ZIC4: variants seen among roughly 807,000 people sequenced by gnomAD.
ZIC4 encodes the protein Zic family zinc finger 4, also known as zinc finger protein ZIC 4.
In ZIC4, 15 loss-of-function variants were observed where a neutral mutation model predicts 28.8. The observed-to-expected ratio is 0.52, with a 90% CI of 0.35 to 0.80. ZIC4 has a LOEUF of 0.80. ZIC4 is among the 30% of genes least tolerant of loss of function. The pLI is 0.01. For synonymous variants in ZIC4, 220 were observed against 198.1 expected (o/e 1.11, Z -0.93); for missense variants, 512 against 467.1 (o/e 1.10, Z -0.89).
chr3:147,391,160 T>A lies in ZIC4; in HGVS notation c.775A>T (p.Thr259Ser), dbSNP rs2086909842. ...TTGCACGTGTATGGCTTGTCGCTAG[T>A]GTGCACGTGCGAATGCTTCTTACGG... ...SDRKKHSHVH[T>S]SDKPYTCKVR... is the part of the protein sequence containing the mutation. Residue 259 changes from threonine (T) to serine (S), a missense_variant, in exon 4 of 5, where the codon ACT becomes TCT. Around this residue, in one of 3 missense-constraint regions of ZIC4, gnomAD observed 144 missense variants for 116.8 expected, o/e 1.23. Transcript: ENST00000383075. 1.2e-6 allele frequency: 2 copies of A among 1,611,958 alleles called. No individual in the cohort carries two copies. The highest frequency in any genetic ancestry group is 1.7e-6 in the Non-Finnish European group (2 of 1,178,260).
chr3:147,403,721 G>A (rs1056699500), intron 1 of ZIC4: 4 of 377,598 alleles, frequency 1.1e-5, no homozygotes, highest in South Asian at 1.0e-4. Flanking sequence ...AACACAGCAA[G>A]TCCTCTGTCA....
chr3:147,405,639 G>T (rs1401443377), intron 1 of ZIC4: 3 of 736,038 alleles, frequency 4.1e-6, no homozygotes, highest in Non-Finnish European at 6.8e-6. Context: ...TGCTGCTCTT[G>T]TTCGCATTGG....
At chr3:147,391,853 G>T in intron 3 of ZIC4, 1 of 501,244 alleles carries the variant, frequency 2.0e-6, no homozygotes, top group Non-Finnish European at 2.6e-6. Context: ...GTGCTGCAGG[G>T]AGAGGTATTC....
intron 3 of ZIC4, among the ~76,000 whole-genome samples, chr3:147,394,702 A>G (rs1306278625): frequency 6.6e-6 from 1 of 152,140 alleles, no homozygotes; most frequent in Non-Finnish European, 1.5e-5. Context: ...ACACTTCCAG[A>G]CAAGCTTTAG....
At position 147,396,323 on chromosome 3, in the gene ZIC4, C is replaced by T. The variant is rs771797491; in HGVS notation, c.217G>A (p.Ala73Thr). Reference protein sequence around the residue: ...LRLGLPGDMYARPEPFPPGPA... With the variant: ...LRLGLPGDMYTRPEPFPPGPA... ...CCTGGCGGGAAGGGCTCCGGCCGCG[C>T]GTACATGTCTCCAGGGAGCCCCAGA... Residue 73 changes from alanine to threonine, a missense_variant, in exon 3 of 5, where the codon GCG (alanine) becomes ACG (threonine). By Grantham distance (58) the Ala-to-Thr change is moderately conservative (BLOSUM62 0). This residue lies in a region of ZIC4 where 310 missense variants were observed against 256.5 expected (regional missense o/e 1.21). Coordinates refer to ENST00000383075, the MANE Select transcript of ZIC4 (RefSeq NM_032153.6). The surrounding 1 kb of genome is among the most constrained non-coding windows in gnomAD (Gnocchi z 4.2). 1.9e-6 allele frequency: 3 copies of T among 1,593,020 alleles called. No individual in the cohort carries two copies. The highest frequency in any genetic ancestry group is 1.7e-6 in the Non-Finnish European group (2 of 1,170,416).
chr3:147,392,870 C>G (rs1163630796), intron 3 of ZIC4: 1 of 152,204 alleles, frequency 6.6e-6, no homozygotes. Flanking sequence ...GGTGTTGGCA[C>G]CTGCCATTTC....
intron 4 of ZIC4, among the ~76,000 whole-genome samples, chr3:147,390,428 C>A (rs1323361320): frequency 6.6e-6 from 1 of 152,020 alleles, no homozygotes; most frequent in Admixed American, 6.5e-5. Flanking sequence ...GGGGTGGGAG[C>A]GGCCCAGTCC....
At chr3:147,402,312 A>C (rs1019507970) in intron 2 of ZIC4, among the ~76,000 whole-genome samples, 7 of 152,234 alleles carry the variant, frequency 4.6e-5, no homozygotes, top group Admixed American at 2.6e-4. Flanking sequence ...CATCATCCAG[A>C]TCAAAGTCTG....
chr3:147,401,710 ATT>A (rs56234421), intron 2 of ZIC4, among the ~76,000 whole-genome samples: 9,178 of 152,288 alleles, frequency 0.06, 348 homozygotes, highest in South Asian at 0.095. Context: ...ATCTGTTAGG[ATT>A]TTGGCAATAA....
chr3:147,395,740 AAAC>A, intron 3 of ZIC4, 109 bp downstream of exon 3: 2 of 1,490,204 alleles, frequency 1.3e-6, no homozygotes, highest in East Asian at 4.5e-5. Context: ...TGGCTCATGG[AAAC>A]AACCCCAAAA....
At chr3:147,394,480 A>AC (rs986622825) in intron 3 of ZIC4, among the ~76,000 whole-genome samples, 4 of 151,742 alleles carry the variant, frequency 2.6e-5, no homozygotes, top group Non-Finnish European at 5.9e-5. Context: ...AAAAAAAAAA[A>AC]AAAAAAACCC....
At position 147,391,146 on chromosome 3, in the gene ZIC4, T is replaced by C; in HGVS notation, c.789A>G (p.Pro263=). The change falls in exon 4 of 5, where the codon CCA becomes CCG. Residue 263 remains proline, a synonymous_variant. Coordinates refer to ENST00000383075, the MANE Select transcript of ZIC4 (RefSeq NM_032153.6). ...CGCAGCCCCGCACCTTGCACGTGTA[T>C]GGCTTGTCGCTAGTGTGCACGTGCG... ...KHSHVHTSDK[P]YTCKVRGCDK... 2 of 1,613,774 alleles carry C rather than the reference T, an allele frequency of 1.2e-6. No individual in the cohort carries two copies. The highest frequency in any genetic ancestry group is 1.3e-5 in the African/African-American group (1 of 75,064).
rs922273099 is a variant in ZIC4, at chr3:147,386,965, A to C, written c.*1894T>G. On this transcript the variant is annotated 3_prime_UTR_variant, in exon 5 of 5. Coordinates refer to ENST00000383075, the MANE Select transcript of ZIC4 (RefSeq NM_032153.6). ...TTAACAATTGCTTGGCTGCATTCTT[A>C]AGTTCCAAGGATCCTGGGCAAGAAT... The C allele has an allele frequency of 1.3e-5, 2 of 152,206 alleles. No homozygotes were observed. Among genetic ancestry groups the C allele is most frequent in the Non-Finnish European group, 2.9e-5 (2 of 68,044 alleles). 9.4% of individuals were successfully genotyped at this position (152,206 alleles called of 1,614,324 possible). A position where few individuals can be genotyped will look rare whatever the true frequency, so the allele number is the denominator to read the frequency against.
chr3:147,400,184 G>A (rs1357180533), intron 2 of ZIC4, among the ~76,000 whole-genome samples: 2 of 152,110 alleles, frequency 1.3e-5, no homozygotes, highest in African/African-American at 2.4e-5. Flanking sequence ...AAATAAAGAG[G>A]CATTTTTTTC....
At chr3:147,390,889 G>GC in intron 4 of ZIC4, 42 bp downstream of exon 4, 1 of 1,559,658 alleles carries the variant, frequency 6.4e-7, no homozygotes, top group East Asian at 2.3e-5. Flanking sequence ...GAGGATCGCG[G>GC]CGGGGGCAGC....
At position 147,386,816 on chromosome 3, in the gene ZIC4, T is replaced by C. The variant is rs2086805069; in HGVS notation, c.*2043A>G. The C allele has an allele frequency of 6.6e-6, 1 of 152,214 alleles. No individual in the cohort carries two copies. Among genetic ancestry groups the C allele is most frequent in the African/African-American group, 2.4e-5 (1 of 41,434 alleles). The allele number at this position is 152,214 out of a possible 1,614,324, so 9.4% of individuals were successfully genotyped here. On this transcript the variant is annotated 3_prime_UTR_variant, in exon 5 of 5. Coordinates refer to ENST00000383075, the MANE Select transcript of ZIC4 (RefSeq NM_032153.6). ...AAGGAAACAGGAAATTAATAAAATA[T>C]CTCTCTCCTTCAGCTATTCTCCTTC...
intron 3 of ZIC4, among the ~76,000 whole-genome samples, chr3:147,394,689 C>A (rs977346129): frequency 1.3e-5 from 2 of 152,092 alleles, no homozygotes; most frequent in Non-Finnish European, 2.9e-5. Context: ...TCAGGGAAAC[C>A]GTACACTTCC....
Position 147,391,159 on chromosome 3 carries a change from G to A in ZIC4, c.776C>T (p.Thr259Ile). 1 of 1,611,986 alleles carries A rather than the reference G, an allele frequency of 6.2e-7. No individual in the cohort carries two copies. Among genetic ancestry groups the A allele is most frequent in the Non-Finnish European group, 8.5e-7 (1 of 1,178,270 alleles). ...SDRKKHSHVH[T>I]SDKPYTCKVR... ...CTTGCACGTGTATGGCTTGTCGCTA[G>A]TGTGCACGTGCGAATGCTTCTTACG... The change falls in exon 4 of 5, where the codon ACT becomes ATT. Residue 259 changes from threonine (T) to isoleucine (I), a missense_variant. Around this residue, in one of 3 missense-constraint regions of ZIC4, gnomAD observed 144 missense variants for 116.8 expected, o/e 1.23. Transcript: ENST00000383075.
chr3:147,403,101 C>T (rs866031559), intron 1 of ZIC4, among the ~76,000 whole-genome samples: 1 of 151,964 alleles, frequency 6.6e-6, no homozygotes, highest in Non-Finnish European at 1.5e-5. Context: ...GAAGTAATCT[C>T]TCTTTTAGTC....
Sources: gnomAD v4.1 joint callset for allele counts (sites outside exome capture counted in the v4.1 genomes callset) on GRCh38, gnomAD v4.1.1 for gene constraint, gnomAD v4.1.1 regional missense constraint, Gnocchi (gnomAD v3.1) non-coding constraint, MANE v1.5 for transcripts, NCBI Gene and HGNC (gene_info 2026-07-23, HGNC 2026-07-21) for gene names.